The following PALLD variants were observed in gnomAD, a reference collection of about 807,000 sequenced individuals.
The protein encoded by PALLD is palladin, cytoskeletal associated protein, also known as palladin.
PALLD carries 61 observed loss-of-function variants against 123.5 expected under a neutral mutation model. That is an observed-to-expected ratio of 0.49 (90% CI 0.40 to 0.61). The LOEUF (loss-of-function observed/expected upper bound fraction) is 0.61, where lower values mean the gene tolerates loss of function less well. Among genes scored for constraint, PALLD ranks in the 20% least tolerant of loss-of-function variants. The probability of loss-of-function intolerance (pLI) is 0.00; values close to 1 mark genes in which losing one functional copy is unlikely to be tolerated. For synonymous variants in PALLD, 465 were observed against 496.4 expected (o/e 0.94, Z 0.84); for missense variants, 1,273 against 1,377.0 (o/e 0.92, Z 1.20).
chr4:168,886,659 A>G (rs1206367495), intron 10 of PALLD, among the ~76,000 whole-genome samples: 1 of 152,180 alleles, frequency 6.6e-6, no homozygotes, highest in Non-Finnish European at 1.5e-5. Flanking sequence ...GAAAAAACAT[A>G]TTTCAGTTTA....
At chr4:168,858,228 A>C (rs1748897215) in intron 10 of PALLD, among the ~76,000 whole-genome samples, 1 of 152,226 alleles carries the variant, frequency 6.6e-6, no homozygotes, top group Non-Finnish European at 1.5e-5. Context: ...GAGGGCTGCT[A>C]ACTATATTTA....
At chr4:168,579,592 A>C (rs1396154875) in intron 2 of PALLD, among the ~76,000 whole-genome samples, 5 of 152,092 alleles carry the variant, frequency 3.3e-5, no homozygotes, top group Non-Finnish European at 5.9e-5. Flanking sequence ...TAAATATTTA[A>C]AGGAAAATTA....
chr4:168,719,709 T>C (rs976847930), intron 10 of PALLD, among the ~76,000 whole-genome samples: 2 of 152,206 alleles, frequency 1.3e-5, no homozygotes, highest in Admixed American at 1.3e-4. Context: ...TAGATAATTT[T>C]TCTGATCCTC....
intron 10 of PALLD, among the ~76,000 whole-genome samples, chr4:168,799,952 A>C (rs1739082484): frequency 6.6e-6 from 1 of 152,186 alleles, no homozygotes; most frequent in African/African-American, 2.4e-5. Context: ...GATGATTTTT[A>C]CATGAGGGCC....
chr4:168,569,706 T>G (rs779186361), intron 2 of PALLD, among the ~76,000 whole-genome samples: 2 of 152,174 alleles, frequency 1.3e-5, no homozygotes, highest in Non-Finnish European at 2.9e-5. Context: ...TTGTCTGAGA[T>G]GCAGGCCAAA....
chr4:168,839,445 C>T (rs113309048), intron 10 of PALLD, among the ~76,000 whole-genome samples: 69 of 152,052 alleles, frequency 4.5e-4, no homozygotes, highest in Non-Finnish European at 7.8e-4. Flanking sequence ...AAGCTACTTG[C>T]GGTTAGAATA....
intron 2 of PALLD, among the ~76,000 whole-genome samples, chr4:168,629,222 C>G (rs1041132718): frequency 1.3e-5 from 2 of 152,110 alleles, no homozygotes; most frequent in African/African-American, 4.8e-5. Flanking sequence ...CCATGTTGGC[C>G]AGGCTGGTCT....
intron 2 of PALLD, among the ~76,000 whole-genome samples, chr4:168,593,461 C>T (rs184889737): frequency 1.5e-4 from 11 of 74,358 alleles, no homozygotes; most frequent in Middle Eastern, 6.1e-3. Flanking sequence ...AAAAGGAAGA[C>T]GAGTCCAATC....
chr4:168,711,658 C>G lies in PALLD; in HGVS notation c.1699C>G (p.Pro567Ala). The G allele has an allele frequency of 6.2e-7, 1 of 1,614,140 alleles. No homozygotes were observed. The change falls in exon 10 of 22, where the codon CCA becomes GCA. Residue 567 changes from proline to alanine, a missense_variant. Around this residue, in one of 2 missense-constraint regions of PALLD, gnomAD observed 944 missense variants for 954.5 expected, o/e 0.99. Coordinates refer to ENST00000505667, the MANE Select transcript of PALLD (RefSeq NM_001166108.2). The part of the protein sequence containing the change: ...DHFQHFPPPP[P>A]ILETSSLELA... The stretch of plus-strand genomic sequence containing the variant: ...CTTCCAACACTTTCCACCTCCCCCT[C>G]CAATCTTGGAGACAAGTTCCTTGGA...
At chr4:168,758,926 G>A (rs1040659349) in intron 10 of PALLD, among the ~76,000 whole-genome samples, 2 of 151,686 alleles carry the variant, frequency 1.3e-5, no homozygotes, top group East Asian at 1.9e-4. Flanking sequence ...TGTAATCCCA[G>A]CACTTTGGGA....
At chr4:168,529,029 A>C (rs138888586) in intron 2 of PALLD, among the ~76,000 whole-genome samples, 2 of 152,208 alleles carry the variant, frequency 1.3e-5, no homozygotes, top group African/African-American at 4.8e-5. Context: ...AGCACCTAAC[A>C]TAAGAACTAG....
At chr4:168,811,169 G>A (rs1566498) in intron 10 of PALLD, among the ~76,000 whole-genome samples, 118,993 of 152,186 alleles carry the variant, frequency 0.78, 47,524 homozygotes, top group African/African-American at 0.95. Flanking sequence ...GTGGACAACC[G>A]AAAGAGTTAG....
chr4:168,922,960 G>GCTAT (rs1761877688), intron 18 of PALLD, among the ~76,000 whole-genome samples: 1 of 152,160 alleles, frequency 6.6e-6, no homozygotes, highest in East Asian at 1.9e-4. Context: ...TTGGCAAATA[G>GCTAT]CTATCTCTGC....
At chr4:168,689,432 CTTTTTTTTTTTTTTTTTTTTT>C (rs70961551) in intron 6 of PALLD, among the ~76,000 whole-genome samples, 2 of 49,834 alleles carry the variant, frequency 4.0e-5, no homozygotes, top group Admixed American at 7.0e-4. Context: ...ATCCAATATT[CTTTTTTTTTTTTTTTTTTTTT>C]TTTTTTTTTT....
intron 10 of PALLD, among the ~76,000 whole-genome samples, chr4:168,833,296 C>T (rs1263576327): frequency 7.4e-6 from 1 of 135,508 alleles, no homozygotes; most frequent in African/African-American, 3.0e-5. Context: ...ATCTTCCCAC[C>T]CTGCGGAGCC....
chr4:168,553,005 C>T (rs1561239269), intron 2 of PALLD, among the ~76,000 whole-genome samples: 1 of 152,142 alleles, frequency 6.6e-6, no homozygotes, highest in Non-Finnish European at 1.5e-5. Flanking sequence ...GCTAATACTT[C>T]ATATGCTGGG....
chr4:168,737,109 T>C lies in PALLD; in HGVS notation c.1964+25186T>C, dbSNP rs184103287. Among the ~76,000 whole-genome samples, 99 of 152,314 alleles carry C rather than the reference T, an allele frequency of 6.5e-4. No homozygotes were observed. The Middle Eastern group carries it at 0.01, about 16-fold the overall frequency. On this transcript the variant is annotated intron_variant, in intron 10 of 21. Transcript: ENST00000505667. ...TACATTCTATGCATGCAAAAAAGAA[T>C]ACCAGGGTTTGTTCTCTCCTCTTTT... is the stretch of plus-strand genomic sequence containing the variant.
At chr4:168,555,926 C>G (rs1293727764) in intron 2 of PALLD, among the ~76,000 whole-genome samples, 2 of 152,130 alleles carry the variant, frequency 1.3e-5, no homozygotes, top group Non-Finnish European at 2.9e-5. Context: ...ACTCTATAAC[C>G]TAAGACACCC....
chr4:168,630,918 G>A (rs937258207), intron 2 of PALLD, among the ~76,000 whole-genome samples: 1 of 152,168 alleles, frequency 6.6e-6, no homozygotes, highest in Non-Finnish European at 1.5e-5. Context: ...CCGTCTGTGT[G>A]GTAACTGAGT....
Sources: allele counts gnomAD v4.1 joint callset (sites outside exome capture counted in the v4.1 genomes callset), GRCh38; gene constraint gnomAD v4.1.1; regional missense constraint gnomAD v4.1.1; transcripts MANE v1.5; gene names NCBI Gene and HGNC (gene_info 2026-07-23, HGNC 2026-07-21).